The following FKTN variants were observed in gnomAD, a reference collection of about 807,000 sequenced individuals.
The protein encoded by FKTN is fukutin.
In FKTN, 47 loss-of-function variants were observed where a neutral mutation model predicts 58.6. That is an observed-to-expected ratio of 0.80 (90% CI 0.63 to 1.02). The LOEUF is 1.02. FKTN is among the 50% of genes least tolerant of loss of function. FKTN has a pLI of 0.00. For missense variants in FKTN, 516 were observed against 537.3 expected (o/e 0.96, Z 0.39); for synonymous variants, 178 against 191.9 (o/e 0.93, Z 0.60).
intron 3 of FKTN, among the ~76,000 whole-genome samples, chr9:105,577,375 C>G (rs1841937640): frequency 2.2e-5 from 3 of 134,524 alleles, no homozygotes. Context: ...CCAGTTTCAG[C>G]TTTCTACATA....
intron 1 of FKTN, among the ~76,000 whole-genome samples, chr9:105,567,364 G>T (rs1192596883): frequency 6.6e-6 from 1 of 152,190 alleles, no homozygotes; most frequent in South Asian, 2.1e-4. Flanking sequence ...AATTGTCCCT[G>T]TTTGCAGATG....
chr9:105,584,920 A>G (rs1248573630), intron 3 of FKTN, among the ~76,000 whole-genome samples: 1 of 152,180 alleles, frequency 6.6e-6, no homozygotes, highest in Admixed American at 6.5e-5. Flanking sequence ...ATGAGTTCAG[A>G]AACTGTTATT....
At chr9:105,621,719 A>C (rs2133246381) in intron 10 of FKTN, among the ~76,000 whole-genome samples, 1 of 152,186 alleles carries the variant, frequency 6.6e-6, no homozygotes, top group Middle Eastern at 3.4e-3. Flanking sequence ...TTCCTCACAT[A>C]GCTATGTATC....
chr9:105,640,211 A>T lies in FKTN; in HGVS notation c.*4947A>T. 4 of 1,510,692 alleles carry T rather than the reference A, an allele frequency of 2.6e-6. No homozygotes were observed. In the South Asian group the frequency reaches 5.0e-5, roughly 19 times the overall value. The allele number at this position is 1,510,692 out of a possible 1,614,324, so 93.6% of individuals were successfully genotyped here. A position where few individuals can be genotyped will look rare whatever the true frequency, so the allele number is the denominator to read the frequency against. ...CTAATTCAATGGCAATACCTTTTGT[A>T]TAGGTCCTGTGCTTAAAGGAGGCAA... On this transcript the variant is annotated 3_prime_UTR_variant, in exon 11 of 11. Transcript: ENST00000357998.
In FKTN at chr9:105,639,450, C is replaced by A; in HGVS notation, c.*4186C>A. The A allele has an allele frequency of 1.6e-6, 1 of 615,186 alleles. No homozygotes were observed. Among genetic ancestry groups the A allele is most frequent in the Non-Finnish European group, 2.0e-6 (1 of 492,038 alleles). The allele number at this position is 615,186 out of a possible 1,614,324, so 38.1% of individuals were successfully genotyped here. On this transcript the variant is annotated 3_prime_UTR_variant, in exon 11 of 11. Transcript: ENST00000357998. ...TAGTGAACTGGGGAAATGATACATA[C>A]TTCTAAGGGTTTTTAGGGGGATTAA... is the stretch of plus-strand genomic sequence containing the variant.
chr9:105,585,427 A>C (rs757765128), intron 3 of FKTN, among the ~76,000 whole-genome samples: 1 of 152,202 alleles, frequency 6.6e-6, no homozygotes, highest in South Asian at 2.1e-4. Context: ...TCAAAAAATA[A>C]ATAAATAAAT....
At chr9:105,588,328 C>T (rs1455670681) in intron 3 of FKTN, among the ~76,000 whole-genome samples, 1 of 152,206 alleles carries the variant, frequency 6.6e-6, no homozygotes, top group Non-Finnish European at 1.5e-5. Flanking sequence ...TAAATTTTTA[C>T]TCCAAATATC....
chr9:105,597,541 T>C (rs1245796642), intron 4 of FKTN, among the ~76,000 whole-genome samples: 1 of 152,178 alleles, frequency 6.6e-6, no homozygotes, highest in Non-Finnish European at 1.5e-5. Context: ...CATGATATAC[T>C]TGGAAGTTAT....
chr9:105,636,695 C>T lies in FKTN; in HGVS notation c.*1431C>T. The stretch of plus-strand genomic sequence containing the variant: ...TAGGAAAGGAAGCTGAATCTTATAT[C>T]TTATCTATGCTATTTAGGACTACTT... On this transcript the variant is annotated 3_prime_UTR_variant, in exon 11 of 11. Coordinates refer to ENST00000357998, the MANE Select transcript of FKTN (RefSeq NM_001079802.2). 5.5e-6 allele frequency: 7 copies of T among 1,283,554 alleles called. No individual in the cohort carries two copies. The highest frequency in any genetic ancestry group is 6.2e-6 in the Non-Finnish European group (6 of 974,756). 79.5% of individuals were successfully genotyped at this position (1,283,554 alleles called of 1,614,324 possible). A position where few individuals can be genotyped will look rare whatever the true frequency, so the allele number is the denominator to read the frequency against.
intron 1 of FKTN, among the ~76,000 whole-genome samples, chr9:105,567,986 C>G (rs1004584816): frequency 6.6e-6 from 1 of 152,156 alleles, no homozygotes; most frequent in Admixed American, 6.5e-5. Flanking sequence ...GAAGTAATAC[C>G]ACACATCTAC....
At chr9:105,632,863 G>C (rs1327694644) in intron 10 of FKTN, among the ~76,000 whole-genome samples, 3 of 152,040 alleles carry the variant, frequency 2.0e-5, no homozygotes, top group African/African-American at 7.2e-5. Context: ...CCAATCCCAG[G>C]GCCTTAAAGT....
intron 4 of FKTN, among the ~76,000 whole-genome samples, chr9:105,599,611 CTCCTG>C (rs1827492852): frequency 6.6e-6 from 1 of 151,240 alleles, no homozygotes; most frequent in African/African-American, 2.4e-5. Context: ...TCAAGTGATT[CTCCTG>C]CCTCAGCCTC....
At chr9:105,571,440 TAATG>T (rs1323607490) in intron 1 of FKTN, among the ~76,000 whole-genome samples, 1 of 152,202 alleles carries the variant, frequency 6.6e-6, no homozygotes, top group Non-Finnish European at 1.5e-5. Context: ...AGAAAATAAA[TAATG>T]AAGTTAATTG....
At chr9:105,571,249 A>T (rs567515232) in intron 1 of FKTN, among the ~76,000 whole-genome samples, 58 of 152,268 alleles carry the variant, frequency 3.8e-4, no homozygotes, top group African/African-American at 1.3e-3. Context: ...AGAAGGAAGG[A>T]ATTGATGCAA....
intron 3 of FKTN, among the ~76,000 whole-genome samples, chr9:105,587,731 C>A (rs1379602207): frequency 6.6e-6 from 1 of 151,952 alleles, no homozygotes; most frequent in Admixed American, 6.6e-5. Context: ...TCCATTTTTT[C>A]ATTTATTCTC....
In FKTN at chr9:105,638,149, G is replaced by A. The variant is rs923244578; in HGVS notation, c.*2885G>A. 1 of 985,048 alleles carries A rather than the reference G, an allele frequency of 1.0e-6. No individual in the cohort carries two copies. Among genetic ancestry groups the A allele is most frequent in the African/African-American group, 1.7e-5 (1 of 57,298 alleles). 61.0% of individuals were successfully genotyped at this position (985,048 alleles called of 1,614,324 possible). On this transcript the variant is annotated 3_prime_UTR_variant, in exon 11 of 11. Transcript: ENST00000357998. ...AATGATCTGAACAAGAACAGCTGAGGCTAAAACCCAAGACTGCCGTGACTC... is the reference window on the plus strand; with the variant it reads ...AATGATCTGAACAAGAACAGCTGAGACTAAAACCCAAGACTGCCGTGACTC...
chr9:105,625,950 A>G (rs1832686167), intron 10 of FKTN, among the ~76,000 whole-genome samples: 1 of 151,982 alleles, frequency 6.6e-6, no homozygotes, highest in South Asian at 2.1e-4. Context: ...ATTACAGTTT[A>G]GTTTTACCTG....
At chr9:105,586,606 A>G (rs2132351786) in intron 3 of FKTN, among the ~76,000 whole-genome samples, 1 of 152,354 alleles carries the variant, frequency 6.6e-6, no homozygotes, top group Middle Eastern at 3.4e-3. Context: ...TAGACATGGC[A>G]GCATCAATAA....
chr9:105,599,579 C>T (rs888399311), intron 4 of FKTN, among the ~76,000 whole-genome samples: 3 of 150,380 alleles, frequency 2.0e-5, no homozygotes, highest in Admixed American at 2.0e-4. Context: ...TCTCGGCTCA[C>T]TGCAACCTCC....
Sources: allele counts gnomAD v4.1 joint callset (sites outside exome capture counted in the v4.1 genomes callset), GRCh38; gene constraint gnomAD v4.1.1; transcripts MANE v1.5; gene names NCBI Gene and HGNC (gene_info 2026-07-23, HGNC 2026-07-21).